Variants in FRMPD4 observed in about 807,000 individuals in gnomAD.
FRMPD4 encodes the protein FERM and PDZ domain containing 4, also known as FERM and PDZ domain-containing protein 4.
In FRMPD4, 22 loss-of-function variants were observed where a neutral mutation model predicts 94.1. That is an observed-to-expected ratio of 0.23 (90% CI 0.17 to 0.33). The LOEUF (loss-of-function observed/expected upper bound fraction) is 0.33, where lower values mean the gene tolerates loss of function less well. Among genes scored for constraint, FRMPD4 ranks in the 10% least tolerant of loss-of-function variants. FRMPD4 has a pLI of 1.00. For missense variants in FRMPD4, 1,111 were observed against 1,339.9 expected (o/e 0.83, Z 2.67); for synonymous variants, 631 against 548.6 (o/e 1.15, Z -2.10).
intron 2 of FRMPD4, among the ~76,000 whole-genome samples, chrX:12,537,654 G>A (rs1034276179): frequency 2.8e-5 from 3 of 107,865 alleles, no homozygotes; most frequent in Admixed American, 1.0e-4. Context: ...GTATCACCAT[G>A]TTGCCCAGGC....
At chrX:12,560,851 G>C (rs891231550) in intron 2 of FRMPD4, among the ~76,000 whole-genome samples, 2 of 82,360 alleles carry the variant, frequency 2.4e-5, no homozygotes, top group East Asian at 8.3e-4. Context: ...CTCACTGCAA[G>C]CTCCGCCTCC....
At chrX:12,199,288 T>TGTGTG in intron 1 of FRMPD4, among the ~76,000 whole-genome samples, 2 of 109,650 alleles carry the variant, frequency 1.8e-5, no homozygotes, top group African/African-American at 3.3e-5. Flanking sequence ...TGTGTGTGTG[T>TGTGTG]TTCCTTCTTT....
chrX:12,080,881 G>C (rs1484320240), intron 3 of FRMPD4, among the ~76,000 whole-genome samples: 3 of 111,762 alleles, frequency 2.7e-5, no homozygotes, highest in African/African-American at 9.7e-5. Context: ...CTTTATAAAG[G>C]CATCAATATT....
In FRMPD4 at chrX:12,296,085, G is replaced by T. The variant is rs4615781; in HGVS notation, c.41+157073G>T. On this transcript the variant is annotated intron_variant, in intron 1 of 16. Coordinates refer to ENST00000675598, the MANE Select transcript of FRMPD4 (RefSeq NM_001368397.1). Reference sequence around the variant, plus strand: ...CACTAGATGCCTGTAGTGTGCCCCCGCTTCCAGTCGTGACAATCAGAAATA... The same window carrying T: ...CACTAGATGCCTGTAGTGTGCCCCCTCTTCCAGTCGTGACAATCAGAAATA... 2.7e-5 allele frequency among the ~76,000 whole-genome samples: 3 copies of T among 109,278 alleles called. No homozygotes were observed. In the South Asian group the frequency reaches 1.2e-3, roughly 45 times the overall value. 94.9% of individuals were successfully genotyped at this position (109,278 alleles called of 115,157 possible).
chrX:12,113,942 A>AT (rs969813186), intron 3 of FRMPD4, among the ~76,000 whole-genome samples: 38 of 112,229 alleles, frequency 3.4e-4, no homozygotes, highest in African/African-American at 1.2e-3. Context: ...GTTATGAAGC[A>AT]TTTTTTGGAA....
At chrX:12,663,176 T>G (rs2059736631) in intron 4 of FRMPD4, among the ~76,000 whole-genome samples, 1 of 112,270 alleles carries the variant, frequency 8.9e-6, no homozygotes, top group Non-Finnish European at 1.9e-5. Context: ...GATGATAGTT[T>G]CTTTTGCTGT....
intron 1 of FRMPD4, among the ~76,000 whole-genome samples, chrX:12,193,810 G>A (rs755284703): frequency 0.18 from 4,146 of 23,191 alleles, 872 homozygotes; most frequent in African/African-American, 0.34. Flanking sequence ...AAGGAAGGAA[G>A]GAAGGAAGGA....
chrX:11,999,537 G>A (rs2054513316), intron 3 of FRMPD4, among the ~76,000 whole-genome samples: 1 of 112,122 alleles, frequency 8.9e-6, no homozygotes, highest in Admixed American at 9.5e-5. Context: ...AAACAACATT[G>A]GGTGTATTGC....
At chrX:12,600,491 A>G (rs1268100177) in intron 2 of FRMPD4, among the ~76,000 whole-genome samples, 4 of 112,317 alleles carry the variant, frequency 3.6e-5, no homozygotes, top group African/African-American at 1.3e-4. Flanking sequence ...AACTGTTGTT[A>G]TGTCTAAACA....
chrX:12,534,220 G>A (rs2058315091), intron 2 of FRMPD4, among the ~76,000 whole-genome samples: 1 of 113,090 alleles, frequency 8.8e-6, no homozygotes, highest in South Asian at 3.6e-4. Flanking sequence ...CAAGTGCACA[G>A]AAGTCAAGAA....
intron 3 of FRMPD4, among the ~76,000 whole-genome samples, chrX:12,613,833 T>C (rs1038643826): frequency 1.4e-4 from 16 of 111,761 alleles, no homozygotes; most frequent in African/African-American, 5.2e-4. Context: ...AAAAATTAGC[T>C]GGGCATGGTG....
At chrX:12,089,750 A>G (rs1169813693) in intron 3 of FRMPD4, among the ~76,000 whole-genome samples, 1 of 112,201 alleles carries the variant, frequency 8.9e-6, no homozygotes, top group African/African-American at 3.2e-5. Context: ...AAATAGATGG[A>G]TAGTGTCAAC....
rs932372517 is a variant in FRMPD4, at chrX:12,099,435, A to G, written c.95+221417A>G. Among the ~76,000 whole-genome samples the G allele has an allele frequency of 1.4e-4, 16 of 112,014 alleles. No individual in the cohort carries two copies. In the Admixed American group the frequency reaches 1.5e-3, roughly 11 times the overall value. On this transcript the variant is annotated intron_variant, in intron 3 of 18. Coordinates refer to the FRMPD4 transcript ENST00000640291. ...ATCATTCAGTTCTTTCCTCTTTGAC[A>G]ATACATTGGATGTTTGGGGCAAATC...
intron 1 of FRMPD4, among the ~76,000 whole-genome samples, chrX:12,366,699 G>A (rs972581565): frequency 4.5e-5 from 5 of 112,209 alleles, no homozygotes; most frequent in Admixed American, 9.4e-5. Context: ...TTGCTCTGAT[G>A]GATATACAGT....
chrX:12,139,884 T>C (rs1425765923), intron 1 of FRMPD4, among the ~76,000 whole-genome samples: 1 of 111,532 alleles, frequency 9.0e-6, no homozygotes, highest in African/African-American at 3.3e-5. Flanking sequence ...TGGAGCTCTT[T>C]ATAGCAGCTA....
chrX:11,952,233 C>A (rs1465501135), intron 3 of FRMPD4, among the ~76,000 whole-genome samples: 1 of 111,680 alleles, frequency 9.0e-6, no homozygotes, highest in Non-Finnish European at 1.9e-5. Flanking sequence ...TGGATTAGGG[C>A]CCTGGGAGCT....
In FRMPD4 at chrX:12,225,286, C is replaced by G. The variant is rs5979554; in HGVS notation, c.41+86274C>G. 5.9e-3 allele frequency among the ~76,000 whole-genome samples: 659 copies of G among 111,655 alleles called. 2 individuals are homozygous for G. The highest frequency in any genetic ancestry group is 0.021 in the African/African-American group (634 of 30,550). On this transcript the variant is annotated intron_variant, in intron 1 of 16. Transcript: ENST00000675598. The stretch of plus-strand genomic sequence containing the variant: ...CTTGCACGTAAATCTTTTTTATTAA[C>G]AGTAAGGTTGTGTGTATAAGTGAAC...
chrX:12,071,254 T>A (rs1294038957), intron 3 of FRMPD4, among the ~76,000 whole-genome samples: 1 of 110,089 alleles, frequency 9.1e-6, no homozygotes, highest in African/African-American at 3.3e-5. Flanking sequence ...TTCTTCCTCC[T>A]ATATGTCCCT....
chrX:12,070,167 C>T (rs760623461), intron 3 of FRMPD4, among the ~76,000 whole-genome samples: 20 of 108,740 alleles, frequency 1.8e-4, no homozygotes, highest in Non-Finnish European at 3.4e-4. Context: ...TTGCTAAAGT[C>T]GTGAGCTTGA....
Sources: allele counts gnomAD v4.1 joint callset (sites outside exome capture counted in the v4.1 genomes callset), GRCh38; gene constraint gnomAD v4.1.1; transcripts MANE v1.5; gene names NCBI Gene and HGNC (gene_info 2026-07-23, HGNC 2026-07-21).